The following RPGR variants were observed in gnomAD, a reference collection of about 807,000 sequenced individuals.
RPGR encodes X-linked retinitis pigmentosa GTPase regulator.
RPGR carries 10 observed loss-of-function variants against 56.3 expected under a neutral mutation model. The observed-to-expected ratio is 0.18, with a 90% CI of 0.11 to 0.30. The LOEUF (loss-of-function observed/expected upper bound fraction) is 0.30, where lower values mean the gene tolerates loss of function less well. RPGR is among the 10% of genes least tolerant of loss of function. The pLI, the probability that RPGR is intolerant of heterozygous loss-of-function variation, is 1.00. For missense variants in RPGR, 538 were observed against 590.9 expected (o/e 0.91, Z 0.93); for synonymous variants, 197 against 212.9 (o/e 0.93, Z 0.65).
intron 1 of RPGR, chrX:38,325,870 CATACACCAA>C (rs2068039431): frequency 8.9e-6 from 1 of 112,389 alleles, no homozygotes; most frequent in Non-Finnish European, 1.9e-5. Context: ...TAAACACACA[CATACACCAA>C]ATAGTAGGCC....
intron 8 of RPGR, among the ~76,000 whole-genome samples, chrX:38,302,958 G>A (rs1017079219): frequency 5.5e-5 from 6 of 109,263 alleles, no homozygotes; most frequent in Non-Finnish European, 7.6e-5. Flanking sequence ...TTACAGGCAC[G>A]CGCTGCCATG....
intron 6 of RPGR, among the ~76,000 whole-genome samples, chrX:38,311,548 T>C (rs1279269002): frequency 8.9e-6 from 1 of 112,174 alleles, no homozygotes; most frequent in Non-Finnish European, 1.9e-5. Flanking sequence ...TTGCTTATTC[T>C]TTGCAAGTCT....
intron 7 of RPGR, among the ~76,000 whole-genome samples, chrX:38,308,400 CATTT>C (rs970221191): frequency 8.9e-6 from 1 of 111,899 alleles, no homozygotes; most frequent in African/African-American, 3.2e-5. Flanking sequence ...TCCTTAAGTG[CATTT>C]ATTTTAAATT....
At chrX:38,315,247 G>A (rs370844785) in intron 6 of RPGR, among the ~76,000 whole-genome samples, 13 of 111,451 alleles carry the variant, frequency 1.2e-4, no homozygotes, top group African/African-American at 3.6e-4. Flanking sequence ...CAAGAGAATC[G>A]CTTGAACCTG....
intron 11 of RPGR, 152 bp downstream of exon 11, chrX:38,297,132 A>G: frequency 1.8e-6 from 1 of 563,744 alleles, no homozygotes; most frequent in Non-Finnish European, 3.0e-6. Flanking sequence ...TTGTAAGGAT[A>G]TTCCCGGATT....
At chrX:38,284,489 T>TG in intron 15 of RPGR, 1 of 748,490 alleles carries the variant, frequency 1.3e-6, no homozygotes, top group African/African-American at 2.3e-5. Flanking sequence ...GTGAATACAT[T>TG]GAGGGCATAT....
rs147234036 is a variant in RPGR at position 38,300,660 on chromosome X, A to G, written c.1059+587T>C. Among the ~76,000 whole-genome samples, 1,593 of 111,116 alleles carry G rather than the reference A, an allele frequency of 0.014. 34 individuals carry two copies. Among genetic ancestry groups the G allele is most frequent in the African/African-American group, 0.049 (1,505 of 30,548 alleles). ...AGCAATTCTCGTGCCTCAGCCTCCC[A>G]AGTAGTTGGGATTACAGGCGTGTGC... On this transcript the variant is annotated intron_variant, in intron 9 of 18. Coordinates refer to ENST00000642395, the MANE Select transcript of RPGR (RefSeq NM_000328.3).
At chrX:38,322,793 C>T (rs2147290131) in intron 3 of RPGR, 60 bp downstream of exon 3, 1 of 893,109 alleles carries the variant, frequency 1.1e-6, no homozygotes, top group East Asian at 3.1e-5. Flanking sequence ...CATTAAAGAA[C>T]TACACAGTCA....
At chrX:38,302,151 G>A (rs904484487) in intron 8 of RPGR, among the ~76,000 whole-genome samples, 1 of 111,976 alleles carries the variant, frequency 8.9e-6, no homozygotes, top group South Asian at 3.7e-4. Context: ...TAGTCCTTTT[G>A]CTTACTGCCA....
chrX:38,313,486 G>A (rs912843343), intron 6 of RPGR, among the ~76,000 whole-genome samples: 2 of 112,033 alleles, frequency 1.8e-5, no homozygotes, highest in Non-Finnish European at 3.8e-5. Flanking sequence ...AGGAATAACC[G>A]AATTAATGCA....
intron 6 of RPGR, among the ~76,000 whole-genome samples, chrX:38,311,533 T>C (rs1230721826): frequency 8.9e-6 from 1 of 112,099 alleles, no homozygotes; most frequent in Non-Finnish European, 1.9e-5. Context: ...ACAGAGCAGA[T>C]CTGCTTGCTT....
chrX:38,289,127 A>T (rs2067242559), intron 13 of RPGR, among the ~76,000 whole-genome samples: 2 of 111,710 alleles, frequency 1.8e-5, no homozygotes, highest in African/African-American at 6.5e-5. Flanking sequence ...AAAATTCACA[A>T]AATAAATAAA....
At chrX:38,304,557 A>G in intron 8 of RPGR, 78 bp downstream of exon 8, 1 of 826,148 alleles carries the variant, frequency 1.2e-6, no homozygotes, top group Non-Finnish European at 1.8e-6. Flanking sequence ...AGTTAGATAC[A>G]TTCATTTCAC....
chrX:38,314,620 CAATCAGGGAT>C (rs1204806333), intron 6 of RPGR, among the ~76,000 whole-genome samples: 1 of 111,659 alleles, frequency 9.0e-6, no homozygotes, highest in Non-Finnish European at 1.9e-5. Flanking sequence ...AAAGACACAG[CAATCAGGGAT>C]AATACCTGAA....
chrX:38,298,544 G>A (rs1475524196), intron 10 of RPGR: 1 of 238,747 alleles, frequency 4.2e-6, no homozygotes, highest in Non-Finnish European at 7.6e-6. Flanking sequence ...ATACCGTATT[G>A]CACACTTAAA....
rs753243394 is a variant in RPGR, at chrX:38,285,690, A to G, written c.1905+1404T>C. The stretch of plus-strand genomic sequence containing the variant: ...GTGTGTTAGTAACTGACTTTTTTTG[A>G]TATGTTTTATGTTTGCCATATTTCA... On this transcript the variant is annotated intron_variant, in intron 15 of 18. Transcript: ENST00000642395. 6.6e-6 allele frequency: 8 copies of G among 1,208,034 alleles called. No homozygotes were observed. In the Admixed American group the frequency reaches 1.1e-4, roughly 17 times the overall value.
intron 18 of RPGR, among the ~76,000 whole-genome samples, chrX:38,270,834 C>T (rs1054775088): frequency 9.1e-6 from 1 of 110,048 alleles, no homozygotes; most frequent in African/African-American, 3.3e-5. Context: ...AGAAAAGAGG[C>T]AAAAAGAGCA....
intron 18 of RPGR, among the ~76,000 whole-genome samples, chrX:38,270,624 A>C (rs201012638): frequency 0.076 from 7,118 of 93,868 alleles, 415 homozygotes; most frequent in African/African-American, 0.19. Context: ...CTCTGTCCCC[A>C]AAAAAAAAAA....
intron 15 of RPGR, chrX:38,279,228 A>G: frequency 3.0e-6 from 1 of 330,451 alleles, no homozygotes; most frequent in Non-Finnish European, 5.9e-6. Flanking sequence ...AAAAAGAAAG[A>G]GTAAAGTTTA....
Sources: gnomAD v4.1 joint callset for allele counts (sites outside exome capture counted in the v4.1 genomes callset) on GRCh38, gnomAD v4.1.1 for gene constraint, MANE v1.5 for transcripts, NCBI Gene and HGNC (gene_info 2026-07-23, HGNC 2026-07-21) for gene names.